Variants in ZSWIM6 observed in about 807,000 individuals in gnomAD.
The protein encoded by ZSWIM6 is zinc finger SWIM-type containing 6, also known as zinc finger SWIM domain-containing protein 6.
A neutral mutation model predicts 113.2 loss-of-function variants in ZSWIM6; 9 were observed. The ratio of observed to expected loss-of-function variants is 0.08; its 90% CI spans 0.05 to 0.14. The LOEUF is 0.14. ZSWIM6 is among the 10% of genes least tolerant of loss of function. ZSWIM6 has a pLI of 1.00. For synonymous variants in ZSWIM6, 611 were observed against 606.5 expected, an observed-to-expected ratio of 1.01 and a Z score of -0.11; for missense variants, 1,162 against 1,552.2, an observed-to-expected ratio of 0.75 and a Z score of 4.22.
intron 1 of ZSWIM6, among the ~76,000 whole-genome samples, chr5:61,371,516 G>T (rs574835154): frequency 6.6e-6 from 1 of 152,214 alleles, no homozygotes; most frequent in Non-Finnish European, 1.5e-5. Flanking sequence ...GCATGGCGTG[G>T]TGATTTGTTA....
At chr5:61,429,685 CTGTGTGTGTATGTGTCTATG>C (rs1746537322) in intron 1 of ZSWIM6, among the ~76,000 whole-genome samples, 1 of 151,962 alleles carries the variant, frequency 6.6e-6, no homozygotes, top group Admixed American at 6.6e-5. Context: ...GAGAGCCGTC[CTGTGTGTGTATGTGTCTATG>C]TGTGTGTGTA....
intron 1 of ZSWIM6, among the ~76,000 whole-genome samples, chr5:61,377,715 C>CA (rs67255045): frequency 0.016 from 2,041 of 125,394 alleles, 17 homozygotes; most frequent in Middle Eastern, 0.045. Flanking sequence ...GACTTCGTCT[C>CA]AAAAAAAAAA....
At chr5:61,423,616 C>T (rs1486935403) in intron 1 of ZSWIM6, among the ~76,000 whole-genome samples, 1 of 152,094 alleles carries the variant, frequency 6.6e-6, no homozygotes, top group Non-Finnish European at 1.5e-5. Flanking sequence ...AGTGATATTG[C>T]TACAAATCAG....
At chr5:61,477,461 T>C (rs1747736148) in intron 2 of ZSWIM6, among the ~76,000 whole-genome samples, 1 of 152,192 alleles carries the variant, frequency 6.6e-6, no homozygotes, top group African/African-American at 2.4e-5. Context: ...TACAGAGGCA[T>C]AGGAGGAACC....
At chr5:61,391,406 A>C (rs1745708547) in intron 1 of ZSWIM6, 1 of 933,892 alleles carries the variant, frequency 1.1e-6, no homozygotes, top group Non-Finnish European at 1.8e-6. Context: ...ACTTGGCGGT[A>C]CTTCTTCATG....
intron 1 of ZSWIM6, among the ~76,000 whole-genome samples, chr5:61,351,645 C>A (rs1744785606): frequency 6.6e-6 from 1 of 152,078 alleles, no homozygotes; most frequent in Admixed American, 6.5e-5. Flanking sequence ...TCTCATAAAT[C>A]CTTGCCTTGG....
At chr5:61,500,452 C>G (rs1748435536) in intron 4 of ZSWIM6, among the ~76,000 whole-genome samples, 2 of 152,020 alleles carry the variant, frequency 1.3e-5, no homozygotes, top group Admixed American at 6.6e-5. Flanking sequence ...CTATTATATG[C>G]CTCTCTTCCA....
At chr5:61,411,696 C>G (rs570501352) in intron 1 of ZSWIM6, among the ~76,000 whole-genome samples, 42 of 152,262 alleles carry the variant, frequency 2.8e-4, no homozygotes, top group Non-Finnish European at 1.6e-4. Flanking sequence ...GATGAGGCCC[C>G]TTTTCCTGGT....
At chr5:61,435,154 G>A (rs1225055624) in intron 1 of ZSWIM6, among the ~76,000 whole-genome samples, 1 of 152,130 alleles carries the variant, frequency 6.6e-6, no homozygotes, top group Non-Finnish European at 1.5e-5. Context: ...AAAATATGAA[G>A]ATGTCTTAAA....
intron 4 of ZSWIM6, among the ~76,000 whole-genome samples, chr5:61,505,538 C>G (rs916363724): frequency 6.6e-6 from 1 of 151,910 alleles, no homozygotes; most frequent in African/African-American, 2.4e-5. Context: ...ATAAGGGCCA[C>G]AGGTTTATAG....
At chr5:61,401,079 C>T (rs1745930981) in intron 1 of ZSWIM6, among the ~76,000 whole-genome samples, 1 of 152,126 alleles carries the variant, frequency 6.6e-6, no homozygotes, top group Non-Finnish European at 1.5e-5. Flanking sequence ...GTGGTGTTAG[C>T]TATTTTCCCC....
At chr5:61,343,077 CATTTT>C (rs1357840260) in intron 1 of ZSWIM6, among the ~76,000 whole-genome samples, 1 of 152,164 alleles carries the variant, frequency 6.6e-6, no homozygotes, top group East Asian at 1.9e-4. Flanking sequence ...TTAAATATCT[CATTTT>C]AAGGTCCTTT....
chr5:61,368,623 C>T (rs1745206800), intron 1 of ZSWIM6, among the ~76,000 whole-genome samples: 1 of 152,114 alleles, frequency 6.6e-6, no homozygotes, highest in Non-Finnish European at 1.5e-5. Context: ...TATCAGTTTG[C>T]CTTTTGGGTA....
intron 1 of ZSWIM6, among the ~76,000 whole-genome samples, chr5:61,350,504 A>T (rs972864221): frequency 6.6e-6 from 1 of 152,158 alleles, no homozygotes; most frequent in African/African-American, 2.4e-5. Context: ...ACGAAAAGGA[A>T]GCAGTTAAGA....
At chr5:61,346,940 A>T (rs1744671520) in intron 1 of ZSWIM6, among the ~76,000 whole-genome samples, 1 of 152,226 alleles carries the variant, frequency 6.6e-6, no homozygotes, top group Admixed American at 6.5e-5. Context: ...AAAATGGATG[A>T]ATTTTTTAAA....
chr5:61,474,789 A>T (rs1310768506), intron 2 of ZSWIM6, among the ~76,000 whole-genome samples: 2 of 152,204 alleles, frequency 1.3e-5, no homozygotes, highest in Non-Finnish European at 2.9e-5. Flanking sequence ...ACATTCTTTT[A>T]TAAGTCTCCT....
chr5:61,392,026 CA>C (rs1745728019), intron 1 of ZSWIM6, among the ~76,000 whole-genome samples: 2 of 152,254 alleles, frequency 1.3e-5, no homozygotes, highest in South Asian at 2.1e-4. Context: ...GATTGACATG[CA>C]TTCGTGTTTT....
rs192516660 is a variant in ZSWIM6, at chr5:61,527,777, A to T, written c.1837+1381A>T. On this transcript the variant is annotated intron_variant, in intron 7 of 13. Transcript: ENST00000252744. ...AGTTCGTGATGATCATCTGATTTTT[A>T]AAAAAAATCATATTATACATTTTAT... 1.8e-3 allele frequency among the ~76,000 whole-genome samples: 274 copies of T among 152,170 alleles called. 2 individuals carry two copies. Among genetic ancestry groups the T allele is most frequent in the South Asian group, 0.011 (55 of 4,816 alleles).
intron 1 of ZSWIM6, among the ~76,000 whole-genome samples, chr5:61,415,449 G>A (rs984172806): frequency 1.3e-5 from 2 of 152,014 alleles, no homozygotes; most frequent in African/African-American, 2.4e-5. Flanking sequence ...AAAATTAGCC[G>A]GGCGTGGTGG....
Sources: gnomAD v4.1 joint callset for allele counts (sites outside exome capture counted in the v4.1 genomes callset) on GRCh38, gnomAD v4.1.1 for gene constraint, MANE v1.5 for transcripts, NCBI Gene and HGNC (gene_info 2026-07-23, HGNC 2026-07-21) for gene names.